Variants in UVRAG observed in about 807,000 individuals in gnomAD.
UVRAG encodes the protein UV radiation resistance associated.
Under a neutral mutation model 78.0 loss-of-function variants are expected in UVRAG, and 19 were observed. The ratio of observed to expected loss-of-function variants is 0.24; its 90% confidence interval spans 0.17 to 0.36. The LOEUF is 0.36. UVRAG is among the 10% of genes least tolerant of loss of function. UVRAG has a pLI of 1.00. For missense variants in UVRAG, 740 were observed against 853.8 expected (o/e 0.87, Z 1.66); for synonymous variants, 323 against 324.6 (o/e 1.00, Z 0.05).
intron 12 of UVRAG, among the ~76,000 whole-genome samples, chr11:76,024,489 TTGA>T (rs1950296339): frequency 6.6e-6 from 1 of 152,226 alleles, no homozygotes; most frequent in Non-Finnish European, 1.5e-5. Context: ...TTGTATTTTG[TTGA>T]TTTTGATATA....
intron 1 of UVRAG, among the ~76,000 whole-genome samples, chr11:75,838,330 T>G (rs934289902): frequency 6.6e-6 from 1 of 152,204 alleles, no homozygotes; most frequent in Admixed American, 6.6e-5. Context: ...TTTTTAAATT[T>G]TAGGGTTTTT....
At chr11:75,990,942 G>A (rs1210299060) in intron 8 of UVRAG, among the ~76,000 whole-genome samples, 1 of 152,118 alleles carries the variant, frequency 6.6e-6, no homozygotes, top group Non-Finnish European at 1.5e-5. Context: ...ATGCTTATTG[G>A]TGTCATGTCA....
At chr11:75,977,508 G>A (rs1054067702) in intron 7 of UVRAG, among the ~76,000 whole-genome samples, 4 of 152,140 alleles carry the variant, frequency 2.6e-5, no homozygotes, top group Non-Finnish European at 4.4e-5. Context: ...GGGACTCTAA[G>A]TCTCTTTGTA....
chr11:76,113,684 G>A (rs1227044677), intron 13 of UVRAG, among the ~76,000 whole-genome samples: 2 of 152,148 alleles, frequency 1.3e-5, no homozygotes, highest in African/African-American at 4.8e-5. Context: ...ATTTGGAGCT[G>A]TTATTAAGCG....
Position 76,131,280 on chromosome 11 carries a change from C to T in UVRAG, c.1398-9431C>T, listed in dbSNP as rs554091345. ...CTCTCTTTATCTCCGTGGAGGATCACTGTGTATTCCCTGATCCCATGGAGC... is the reference window on the plus strand; with the variant it reads ...CTCTCTTTATCTCCGTGGAGGATCATTGTGTATTCCCTGATCCCATGGAGC... On this transcript the variant is annotated intron_variant, in intron 14 of 14. Coordinates refer to ENST00000356136, the MANE Select transcript of UVRAG (RefSeq NM_003369.4). 4.3e-4 allele frequency among the ~76,000 whole-genome samples: 66 copies of T among 152,304 alleles called. 1 individual carries two copies. In the South Asian group the frequency reaches 0.013, roughly 31 times the overall value.
chr11:76,024,866 A>G (rs1213470150), intron 12 of UVRAG, among the ~76,000 whole-genome samples: 2 of 152,208 alleles, frequency 1.3e-5, no homozygotes, highest in East Asian at 3.9e-4. Context: ...AGGACATTAG[A>G]TGGAATCAGA....
chr11:75,988,779 C>G (rs1949547888), intron 8 of UVRAG, among the ~76,000 whole-genome samples: 1 of 152,004 alleles, frequency 6.6e-6, no homozygotes, highest in African/African-American at 2.4e-5. Flanking sequence ...GTAGTGGTTT[C>G]TCATTGTTTT....
chr11:75,848,196 CAAA>C (rs367973408), intron 1 of UVRAG, among the ~76,000 whole-genome samples: 4 of 116,354 alleles, frequency 3.4e-5, no homozygotes, highest in Admixed American at 9.1e-5. Context: ...GACCCTGTCT[CAAA>C]AAAAAAAAAA....
intron 3 of UVRAG, among the ~76,000 whole-genome samples, chr11:75,879,145 T>C (rs1349353452): frequency 6.6e-6 from 1 of 152,202 alleles, no homozygotes; most frequent in African/African-American, 2.4e-5. Context: ...AACATTTCAA[T>C]GGCCCCACTG....
chr11:75,904,271 C>T (rs1311599133), intron 5 of UVRAG, among the ~76,000 whole-genome samples: 1 of 152,176 alleles, frequency 6.6e-6, no homozygotes, highest in Non-Finnish European at 1.5e-5. Context: ...GGCACTCACC[C>T]AGACTTGTTA....
At chr11:76,080,430 G>A (rs1458650656) in intron 13 of UVRAG, among the ~76,000 whole-genome samples, 1 of 152,064 alleles carries the variant, frequency 6.6e-6, no homozygotes, top group Non-Finnish European at 1.5e-5. Context: ...TGTTTGTTTT[G>A]TGGGACTTCA....
intron 4 of UVRAG, among the ~76,000 whole-genome samples, chr11:75,882,375 C>T (rs1220672505): frequency 1.3e-5 from 2 of 151,878 alleles, no homozygotes; most frequent in African/African-American, 2.4e-5. Context: ...TAACTGGGCA[C>T]AGCGGCATGT....
At chr11:75,822,132 C>T (rs965864147) in intron 1 of UVRAG, among the ~76,000 whole-genome samples, 3 of 151,930 alleles carry the variant, frequency 2.0e-5, no homozygotes, top group Admixed American at 6.6e-5. Flanking sequence ...TTCAGTAGGA[C>T]GGGGTTTCAC....
At chr11:76,037,574 G>A (rs935870798) in intron 12 of UVRAG, among the ~76,000 whole-genome samples, 4 of 151,188 alleles carry the variant, frequency 2.6e-5, no homozygotes, top group Admixed American at 6.6e-5. Flanking sequence ...TCAGCTGGGC[G>A]TGGTGGCATA....
intron 3 of UVRAG, among the ~76,000 whole-genome samples, chr11:75,864,775 G>A (rs1033510399): frequency 6.6e-6 from 1 of 152,180 alleles, no homozygotes; most frequent in Admixed American, 6.5e-5. Context: ...AAAGGATTAG[G>A]CAAAGATTTG....
chr11:75,940,140 G>A (rs1948456074), intron 6 of UVRAG, among the ~76,000 whole-genome samples: 1 of 152,188 alleles, frequency 6.6e-6, no homozygotes, highest in African/African-American at 2.4e-5. Flanking sequence ...AAAGAAGACA[G>A]TGTGGTGTAG....
At chr11:76,003,257 A>ATTTTTTTTT (rs398045280) in intron 8 of UVRAG, among the ~76,000 whole-genome samples, 14 of 53,734 alleles carry the variant, frequency 2.6e-4, no homozygotes, top group African/African-American at 1.1e-3. Context: ...GAAAATACTG[A>ATTTTTTTTT]TTTTTTTTTT....
At chr11:76,118,890 A>G (rs1270460575) in intron 14 of UVRAG, among the ~76,000 whole-genome samples, 1 of 152,246 alleles carries the variant, frequency 6.6e-6, no homozygotes, top group Non-Finnish European at 1.5e-5. Flanking sequence ...AGAACAGTTC[A>G]TATAAGATAG....
intron 8 of UVRAG, among the ~76,000 whole-genome samples, chr11:75,990,104 G>A (rs1276325984): frequency 6.6e-6 from 1 of 152,116 alleles, no homozygotes; most frequent in African/African-American, 2.4e-5. Flanking sequence ...TTTTTAGCAG[G>A]TTTTAAAGTT....
Sources: allele counts gnomAD v4.1 joint callset (sites outside exome capture counted in the v4.1 genomes callset), GRCh38; gene constraint gnomAD v4.1.1; transcripts MANE v1.5; gene names NCBI Gene and HGNC (gene_info 2026-07-23, HGNC 2026-07-21).